The following ANAPC16 variants were observed in gnomAD, a reference collection of about 807,000 sequenced individuals.
ANAPC16 encodes the protein anaphase promoting complex subunit 16, also known as anaphase-promoting complex subunit 16.
Under a neutral mutation model 13.1 loss-of-function variants are expected in ANAPC16, and 6 were observed. That is an observed-to-expected ratio of 0.46 (90% CI 0.25 to 0.90). The LOEUF (loss-of-function observed/expected upper bound fraction) is 0.90, where lower values mean the gene tolerates loss of function less well. ANAPC16 is among the 40% of genes least tolerant of loss of function. The probability of loss-of-function intolerance (pLI) is 0.18; values close to 1 mark genes in which losing one functional copy is unlikely to be tolerated. For missense variants in ANAPC16, 113 were observed against 131.1 expected (o/e 0.86, Z 0.67); for synonymous variants, 55 against 51.3 (o/e 1.07, Z -0.31).
intron 2 of ANAPC16, among the ~76,000 whole-genome samples, chr10:72,224,628 C>T (rs78508865): frequency 4.1e-5 from 6 of 146,176 alleles, no homozygotes; most frequent in South Asian, 2.2e-4. Context: ...AAAAAAAAAA[C>T]GCAGAGGCAG....
At chr10:72,232,847 G>A (rs1397972627) in intron 3 of ANAPC16, among the ~76,000 whole-genome samples, 154 bp from the exon 4 acceptor site, 2 of 151,832 alleles carry the variant, frequency 1.3e-5, no homozygotes, top group East Asian at 1.9e-4. Context: ...CTCGTGATCC[G>A]CCCGCCTCGG....
Position 72,226,502 on chromosome 10 carries a change from T to C in ANAPC16, c.142+2446T>C, listed in dbSNP as rs939133007. Among the ~76,000 whole-genome samples, 7 of 151,996 alleles carry C rather than the reference T, an allele frequency of 4.6e-5. No individual in the cohort carries two copies. The East Asian group carries it at 1.4e-3, about 29-fold the overall frequency. On this transcript the variant is annotated intron_variant, in intron 2 of 3. Coordinates refer to ENST00000299381, the MANE Select transcript of ANAPC16 (RefSeq NM_173473.4). ...CAGCCTGGGCAACATGACGAAATCC[T>C]GTCTCTAGAAAAAATAGAAAATTAG...
At chr10:72,217,114 C>T (rs541820623) in intron 1 of ANAPC16, 22 of 452,484 alleles carry the variant, frequency 4.9e-5, no homozygotes, top group Admixed American at 4.0e-4. Context: ...AGGTTCTGTG[C>T]TCGGCATTGA....
rs1860380004 is a variant in ANAPC16 at position 72,233,146 on chromosome 10, A to G, written c.*30A>G. The stretch of plus-strand genomic sequence containing the variant: ...GCCTGGATGGTCACCTCTGGTGCGC[A>G]GCAAGTGCAAAGCCAGTGGGGGACT... On this transcript the variant is annotated 3_prime_UTR_variant, in exon 4 of 4. Coordinates refer to ENST00000299381, the MANE Select transcript of ANAPC16 (RefSeq NM_173473.4). The G allele has an allele frequency of 6.3e-7, 1 of 1,585,674 alleles. No homozygotes were observed. Among genetic ancestry groups the G allele is most frequent in the Admixed American group, 1.7e-5 (1 of 59,766 alleles).
At chr10:72,227,652 T>G (rs147961413) in intron 2 of ANAPC16, among the ~76,000 whole-genome samples, 211 of 152,200 alleles carry the variant, frequency 1.4e-3, no homozygotes, top group African/African-American at 4.8e-3. Flanking sequence ...TTTGGAAGCA[T>G]TTTCTACCAT....
rs184403394 is a variant in ANAPC16 at position 72,225,983 on chromosome 10, A to G, written c.142+1927A>G. On this transcript the variant is annotated intron_variant, in intron 2 of 3. Transcript: ENST00000299381. ...CTTGATTCTAGTATTTTAGTGCTTA[A>G]TTATATATTGATCTTTTTTCCTTTA... 2.0e-3 allele frequency among the ~76,000 whole-genome samples: 296 copies of G among 151,588 alleles called. 2 individuals carry two copies. Among genetic ancestry groups the G allele is most frequent in the Middle Eastern group, 0.014 (4 of 292 alleles).
chr10:72,220,575 G>A (rs893090447), intron 1 of ANAPC16, among the ~76,000 whole-genome samples: 10 of 151,916 alleles, frequency 6.6e-5, no homozygotes, highest in African/African-American at 2.4e-4. Flanking sequence ...TTGGAGGATT[G>A]CTTGAGCCCA....
At chr10:72,228,604 TG>T (rs1860198071) in intron 2 of ANAPC16, among the ~76,000 whole-genome samples, 1 of 152,174 alleles carries the variant, frequency 6.6e-6, no homozygotes, top group African/African-American at 2.4e-5. Context: ...AGTTTCTAAA[TG>T]GAAGAGATTG....
intron 2 of ANAPC16, among the ~76,000 whole-genome samples, chr10:72,229,218 TTC>T (rs1860217946): frequency 6.6e-6 from 1 of 150,728 alleles, no homozygotes; most frequent in Non-Finnish European, 1.5e-5. Context: ...TTTCATTTTT[TTC>T]TTTTTCTCTT....
intron 2 of ANAPC16, among the ~76,000 whole-genome samples, chr10:72,228,589 A>G (rs1860197296): frequency 6.6e-6 from 1 of 152,172 alleles, no homozygotes; most frequent in Non-Finnish European, 1.5e-5. Flanking sequence ...AAAGGGTTTG[A>G]TTACAGTTTC....
At chr10:72,217,738 G>A (rs1009173114) in intron 1 of ANAPC16, among the ~76,000 whole-genome samples, 1 of 152,052 alleles carries the variant, frequency 6.6e-6, no homozygotes, top group Non-Finnish European at 1.5e-5. Context: ...AGTGTTTTAC[G>A]TGTATTAACT....
At chr10:72,221,547 C>CTTTTTTTT (rs910872494) in intron 1 of ANAPC16, among the ~76,000 whole-genome samples, 4 of 91,338 alleles carry the variant, frequency 4.4e-5, no homozygotes, top group East Asian at 6.5e-4. Flanking sequence ...TTTTTCTTTT[C>CTTTTTTTT]TTTTTTTTTT....
At chr10:72,223,705 G>C in intron 1 of ANAPC16, 183 bp from the exon 2 acceptor site, 1 of 440,644 alleles carries the variant, frequency 2.3e-6, no homozygotes, top group Non-Finnish European at 4.0e-6. Flanking sequence ...CATATTTTCA[G>C]TTCAAAACCT....
rs200000965 is a variant in ANAPC16, at chr10:72,233,016, G to A, written c.233G>A (p.Arg78Gln). The change falls in exon 4 of 4, where the codon CGG becomes CAG. Residue 78 changes from arginine to glutamine, a missense_variant. By Grantham distance (43) the Arg-to-Gln change is conservative. Transcript: ENST00000299381. ...KQVKHDQQVA[R>Q]MEKLAGLVEE... is the part of the protein sequence containing the mutation. Reference sequence around the variant, plus strand: ...CTCCTTACAGATCAGCAAGTTGCTCGGATGGAAAAACTAGCTGGTTTGGTA... The same window carrying A: ...CTCCTTACAGATCAGCAAGTTGCTCAGATGGAAAAACTAGCTGGTTTGGTA... The A allele has an allele frequency of 2.8e-4, 445 of 1,613,942 alleles. 4 individuals carry two copies. The highest frequency in any genetic ancestry group is 3.3e-4 in the Middle Eastern group (2 of 6,084).
chr10:72,227,040 A>G (rs185792627), intron 2 of ANAPC16, among the ~76,000 whole-genome samples: 1 of 152,360 alleles, frequency 6.6e-6, no homozygotes, highest in African/African-American at 2.4e-5. Context: ...TGCAGCAAAG[A>G]CCTAGTATTA....
chr10:72,216,849 A>T (rs1341763601), intron 1 of ANAPC16: 1 of 456,208 alleles, frequency 2.2e-6, no homozygotes, highest in South Asian at 1.5e-5. Context: ...AGGATACTTC[A>T]TCATCAGTAT....
rs928928955 is a variant in ANAPC16, at chr10:72,234,377, A to C, written c.*1261A>C. The C allele has an allele frequency of 2.6e-5, 4 of 151,984 alleles. No individual in the cohort carries two copies. Among genetic ancestry groups the C allele is most frequent in the African/African-American group, 9.7e-5 (4 of 41,296 alleles). 9.4% of individuals were successfully genotyped at this position (151,984 alleles called of 1,614,324 possible). Reference sequence around the variant, plus strand: ...GGTCTTGAACTCCTGGCCTCAAGAGATCCCCCCAACCTTGGCCTCCAAAGT... The same window carrying C: ...GGTCTTGAACTCCTGGCCTCAAGAGCTCCCCCCAACCTTGGCCTCCAAAGT... On this transcript the variant is annotated 3_prime_UTR_variant, in exon 4 of 4. Coordinates refer to ENST00000299381, the MANE Select transcript of ANAPC16 (RefSeq NM_173473.4).
chr10:72,230,286 G>T, intron 2 of ANAPC16, 80 bp from the exon 3 acceptor site: 1 of 1,097,326 alleles, frequency 9.1e-7, no homozygotes, highest in African/African-American at 1.5e-5. Flanking sequence ...GCAGGGAAAA[G>T]AATAGACAAG....
chr10:72,217,225 A>G (rs1004983041), intron 1 of ANAPC16: 2 of 362,692 alleles, frequency 5.5e-6, no homozygotes, highest in African/African-American at 2.1e-5. Flanking sequence ...CTGTAATCCT[A>G]GCACTTTGGG....
Sources: gnomAD v4.1 joint callset for allele counts (sites outside exome capture counted in the v4.1 genomes callset) on GRCh38, gnomAD v4.1.1 for gene constraint, MANE v1.5 for transcripts, NCBI Gene and HGNC (gene_info 2026-07-23, HGNC 2026-07-21) for gene names.